SLC1A3: variants seen among roughly 807,000 people sequenced by gnomAD.
The protein encoded by SLC1A3 is excitatory amino acid transporter 1.
Under a neutral mutation model 48.1 loss-of-function variants are expected in SLC1A3, and 21 were observed. That is an observed-to-expected ratio of 0.44 (90% confidence interval 0.31 to 0.63). The LOEUF (loss-of-function observed/expected upper bound fraction) is 0.63, where lower values mean the gene tolerates loss of function less well. Ranked by LOEUF, SLC1A3 falls within the 20% of genes least tolerant of loss-of-function variation. The pLI is 0.08. For synonymous variants in SLC1A3, 239 were observed against 251.4 expected, an observed-to-expected ratio of 0.95 and a Z score of 0.47; for missense variants, 546 against 689.0, an observed-to-expected ratio of 0.79 and a Z score of 2.32.
At chr5:36,609,295 T>A in intron 2 of SLC1A3, 1 of 916,834 alleles carries the variant, frequency 1.1e-6, no homozygotes, top group Non-Finnish European at 1.3e-6. Flanking sequence ...TTATTGATCT[T>A]AAAAGTTATA....
intron 3 of SLC1A3, among the ~76,000 whole-genome samples, chr5:36,662,223 A>G (rs1741542477): frequency 6.6e-6 from 1 of 152,176 alleles, no homozygotes; most frequent in Admixed American, 6.5e-5. Flanking sequence ...GTGAATGGGC[A>G]TCATGGGGAG....
At chr5:36,623,979 A>T (rs1045138070) in intron 2 of SLC1A3, among the ~76,000 whole-genome samples, 2 of 152,146 alleles carry the variant, frequency 1.3e-5, no homozygotes, top group East Asian at 1.9e-4. Context: ...TGTTTCCATG[A>T]AGGCTTTTTT....
intron 3 of SLC1A3, among the ~76,000 whole-genome samples, chr5:36,661,203 G>C (rs901493845): frequency 6.6e-6 from 1 of 152,208 alleles, no homozygotes; most frequent in Non-Finnish European, 1.5e-5. Context: ...CCTGAGGTCA[G>C]GAGTGCGAGA....
intron 1 of SLC1A3, 100 bp from the exon 2 acceptor site, chr5:36,608,229 C>A: frequency 1.7e-6 from 1 of 583,824 alleles, no homozygotes; most frequent in Non-Finnish European, 3.0e-6. Flanking sequence ...TTGATTCCTG[C>A]TGAGATTATG....
intron 3 of SLC1A3, among the ~76,000 whole-genome samples, chr5:36,657,645 A>G (rs1373081649): frequency 1.3e-5 from 2 of 152,264 alleles, no homozygotes; most frequent in African/African-American, 2.4e-5. Context: ...AATGATTTCA[A>G]TAGGCTGCAA....
intron 3 of SLC1A3, among the ~76,000 whole-genome samples, chr5:36,652,308 G>A (rs963081631): frequency 2.9e-5 from 4 of 136,410 alleles, no homozygotes; most frequent in Non-Finnish European, 4.9e-5. Flanking sequence ...TCCAAGTGGC[G>A]TGAGCGCACA....
At chr5:36,621,400 G>A (rs34789636) in intron 2 of SLC1A3, among the ~76,000 whole-genome samples, 75,309 of 151,996 alleles carry the variant, frequency 0.5, 21,198 homozygotes, top group Admixed American at 0.64. Context: ...ATCTAGGGGG[G>A]CTTGCCAGGA....
intron 1 of SLC1A3, among the ~76,000 whole-genome samples, chr5:36,598,118 T>C (rs186174909): frequency 4.6e-5 from 7 of 152,354 alleles, no homozygotes; most frequent in East Asian, 1.9e-4. Context: ...CAGAGCAGAA[T>C]TGTGTAGCGC....
chr5:36,647,114 T>C (rs959033751), intron 3 of SLC1A3, among the ~76,000 whole-genome samples: 6 of 152,242 alleles, frequency 3.9e-5, no homozygotes, highest in African/African-American at 1.4e-4. Flanking sequence ...AGGTCTCATA[T>C]GACACCACAT....
intron 3 of SLC1A3, among the ~76,000 whole-genome samples, chr5:36,658,135 C>T (rs192657687): frequency 7.7e-4 from 117 of 152,218 alleles, no homozygotes; most frequent in African/African-American, 2.6e-3. Context: ...GACTATAAAA[C>T]AAAGCGCCCC....
intron 1 of SLC1A3, among the ~76,000 whole-genome samples, chr5:36,599,508 C>CTTTTGTGTTTTT (rs1738781638): frequency 1.3e-5 from 1 of 78,286 alleles, no homozygotes; most frequent in African/African-American, 5.3e-5. Flanking sequence ...TACGGTTGAA[C>CTTTTGTGTTTTT]TTTTTTTTTT....
chr5:36,602,205 C>T (rs1372201677), upstream of SLC1A3, among the ~76,000 whole-genome samples: 4 of 151,606 alleles, frequency 2.6e-5, no homozygotes, highest in African/African-American at 9.7e-5. Flanking sequence ...TAAAAAAACT[C>T]CTGGGGGCTT....
At chr5:36,599,955 A>G (rs1255256593) in intron 1 of SLC1A3, among the ~76,000 whole-genome samples, 1 of 152,066 alleles carries the variant, frequency 6.6e-6, no homozygotes, top group African/African-American at 2.4e-5. Flanking sequence ...CCGAGTAGCT[A>G]GGATTACAGG....
rs550683099 is a variant in SLC1A3 at position 36,653,511 on chromosome 5, G to A, written c.320-17518G>A. Among the ~76,000 whole-genome samples, 21 of 152,280 alleles carry A rather than the reference G, an allele frequency of 1.4e-4. No individual in the cohort carries two copies. The South Asian group carries it at 4.1e-3, about 30-fold the overall frequency. On this transcript the variant is annotated intron_variant, in intron 3 of 9. Transcript: ENST00000265113. ...AACACGCATGGGCAGATCTGACTTGGCACTAAAATTGCTCCTTCTTTCTAG... is the reference window on the plus strand; with the variant it reads ...AACACGCATGGGCAGATCTGACTTGACACTAAAATTGCTCCTTCTTTCTAG...
Position 36,680,843 on chromosome 5 carries a change from G to C in SLC1A3, c.1289+254G>C, listed in dbSNP as rs577580501. On this transcript the variant is annotated intron_variant, in intron 8 of 9. Transcript: ENST00000265113. Reference sequence around the variant, plus strand: ...GAAGCAGGAGAATTGCTTGAACCCGGAGGCAGAGATTGCAGGGAGCTGAGA... The same window carrying C: ...GAAGCAGGAGAATTGCTTGAACCCGCAGGCAGAGATTGCAGGGAGCTGAGA... Among the ~76,000 whole-genome samples, 9 of 151,940 alleles carry C rather than the reference G, an allele frequency of 5.9e-5. No homozygotes were observed. The South Asian group carries it at 1.9e-3, about 32-fold the overall frequency.
At chr5:36,648,872 A>T (rs1410364999) in intron 3 of SLC1A3, among the ~76,000 whole-genome samples, 1 of 152,184 alleles carries the variant, frequency 6.6e-6, no homozygotes, top group Non-Finnish European at 1.5e-5. Flanking sequence ...GAAGAAAAAA[A>T]ATATAAAAGC....
chr5:36,663,394 T>TTC (rs1554043825), intron 3 of SLC1A3, among the ~76,000 whole-genome samples: 1 of 144,400 alleles, frequency 6.9e-6, no homozygotes, highest in Non-Finnish European at 1.5e-5. Flanking sequence ...TTTTTTTTTT[T>TTC]TTTTTTTTTT....
In SLC1A3 at chr5:36,671,117, G is replaced by A. The variant is rs1741976701; in HGVS notation, c.408G>A (p.Val136=). 20 of 1,613,816 alleles carry A rather than the reference G, an allele frequency of 1.2e-5. No individual in the cohort carries two copies. The East Asian group carries it at 4.5e-4, about 36-fold the overall frequency. Reference sequence around the variant, plus strand: ...TGACTACCACCATCATTGCTGTGGTGATTGGCATAATCATTGTCATCATCA... The same window carrying A: ...TGACTACCACCATCATTGCTGTGGTAATTGGCATAATCATTGTCATCATCA... ...YYMTTTIIAV[V]IGIIIVIIIH... is the part of the protein sequence containing the mutation. Residue 136 remains valine (V), a synonymous_variant, in exon 4 of 10, where the codon GTG becomes GTA. Coordinates refer to ENST00000265113, the MANE Select transcript of SLC1A3 (RefSeq NM_004172.5).
chr5:36,601,671 C>G (rs1738809717), upstream of SLC1A3, among the ~76,000 whole-genome samples: 1 of 152,136 alleles, frequency 6.6e-6, no homozygotes, highest in Non-Finnish European at 1.5e-5. Context: ...AGGGAGCTAC[C>G]TGGGGGCAAG....
Sources: allele counts gnomAD v4.1 joint callset (sites outside exome capture counted in the v4.1 genomes callset), GRCh38; gene constraint gnomAD v4.1.1; transcripts MANE v1.5; gene names NCBI Gene and HGNC (gene_info 2026-07-23, HGNC 2026-07-21).